ABHD17A: variants seen among roughly 807,000 people sequenced by gnomAD.
ABHD17A encodes the protein alpha/beta hydrolase domain-containing protein 17A.
ABHD17A carries 10 observed loss-of-function variants against 26.8 expected under a neutral mutation model. The observed-to-expected ratio is 0.37, with a 90% CI of 0.23 to 0.63. The LOEUF is 0.63. Among genes scored for constraint, ABHD17A ranks in the 30% least tolerant of loss-of-function variants. ABHD17A has a pLI of 0.61. For missense variants in ABHD17A, 292 were observed against 457.3 expected (o/e 0.64, Z 3.30); for synonymous variants, 167 against 210.9 (o/e 0.79, Z 1.80).
In ABHD17A at chr19:1,880,080, T is replaced by C; in HGVS notation, c.368A>G (p.Asp123Gly). ...TVLFSHGNAV[D>G]LGQMSSFYIG... is the part of the protein sequence containing the mutation. ...GTAGAAGCTGCTCATCTGGCCCAGG[T>C]CCACGGCATTGCCGTGCGAGAAGAG... is the stretch of plus-strand genomic sequence containing the variant. The change falls in exon 3 of 5, where the codon GAC becomes GGC. Residue 123 changes from aspartate (D) to glycine (G), a missense_variant. Asp to Gly is a moderately conservative substitution (Grantham distance 94). Around this residue, in one of 4 missense-constraint regions of ABHD17A, gnomAD observed 171 missense variants for 216.1 expected, o/e 0.79. Coordinates refer to ENST00000292577, the MANE Select transcript of ABHD17A (RefSeq NM_001130111.2). The surrounding 1 kb of genome is among the most constrained non-coding windows in gnomAD (Gnocchi z 4.1). The C allele has an allele frequency of 1.2e-6, 2 of 1,613,148 alleles. No individual in the cohort carries two copies. Among genetic ancestry groups the C allele is most frequent in the Non-Finnish European group, 8.5e-7 (1 of 1,179,968 alleles).
In ABHD17A at chr19:1,881,569, C is replaced by A; in HGVS notation, c.-3G>T. 6.3e-7 allele frequency: 1 copy of A among 1,585,328 alleles called. No homozygotes were observed. On this transcript the variant is annotated 5_prime_UTR_variant, in exon 2 of 5. Transcript: ENST00000292577. ...TCACTCAGCGACAGCCCATTCATGG[C>A]GGGCGCCGCCCAGGCCGGGCCTCCA...
Position 1,881,520 on chromosome 19 carries a change from GGGCAGCAGAAGA to G in ABHD17A, c.35_46del (p.Leu12_Cys15del), listed in dbSNP as rs2012532739. 6.2e-7 allele frequency: 1 copy of G among 1,604,056 alleles called. No homozygotes were observed. The highest frequency in any genetic ancestry group is 8.5e-7 in the Non-Finnish European group (1 of 1,178,812). On this transcript the variant is annotated inframe_deletion, in exon 2 of 5. Transcript: ENST00000292577. The stretch of plus-strand genomic sequence containing the variant: ...GGCAGCGATGCGGCCGGGGCAGGGC[GGGCAGCAGAAGA>G]GGCAGCAGAGCTCACTCAGCGACAG...
Position 1,881,516 on chromosome 19 carries a change from G to A in ABHD17A, c.51C>T (p.Pro17=). The A allele has an allele frequency of 2.5e-6, 4 of 1,604,290 alleles. No individual in the cohort carries two copies. The highest frequency in any genetic ancestry group is 3.4e-6 in the Non-Finnish European group (4 of 1,178,842). ...SELCCLFCCP[P]CPGRIAAKLA... ...GCTTGGCAGCGATGCGGCCGGGGCA[G>A]GGCGGGCAGCAGAAGAGGCAGCAGA... The change falls in exon 2 of 5, where the codon CCC becomes CCT. Residue 17 remains proline (P), a synonymous_variant. Transcript: ENST00000292577.
chr19:1,877,328 G>T lies in ABHD17A; in HGVS notation c.805C>A (p.Arg269Ser). The T allele has an allele frequency of 6.5e-7, 1 of 1,532,272 alleles. No individual in the cohort carries two copies. Among genetic ancestry groups the T allele is most frequent in the South Asian group, 1.2e-5 (1 of 83,984 alleles). 94.9% of individuals were successfully genotyped at this position (1,532,272 alleles called of 1,614,324 possible). ...DFSHGLALYE[R>S]CPKAVEPLWV... is the part of the protein sequence containing the mutation. ...AGCGGCTCCACCGCCTTGGGGCAGC[G>T]CTCGTAGAGCGCCAGCCCGTGCGAG... The change falls in exon 5 of 5, where the codon CGC (arginine) becomes AGC (serine). Residue 269 changes from arginine to serine, a missense_variant. Arg to Ser is a moderately radical substitution (Grantham distance 110, BLOSUM62 -1). Coordinates refer to ENST00000292577, the MANE Select transcript of ABHD17A (RefSeq NM_001130111.2).
chr19:1,879,965 G>A lies in ABHD17A; in HGVS notation c.483C>T (p.Asn161=). 1.2e-6 allele frequency: 2 copies of A among 1,613,070 alleles called. No individual in the cohort carries two copies. The highest frequency in any genetic ancestry group is 1.7e-5 in the Admixed American group (1 of 60,018). ...AGGCGGCGTCGATGTCGGCATAGAG[G>A]TTCCTCTCGGAAGGCCTGCCCGAGC... ...GASSGRPSER[N]LYADIDAAWQ... Residue 161 remains asparagine, a synonymous_variant, in exon 3 of 5, where the codon AAC becomes AAT. Transcript: ENST00000292577. This position sits in a 1 kb window ranked among gnomAD's most constrained non-coding sequence, Gnocchi z 7.6.
Position 1,881,352 on chromosome 19 carries a change from T to C in ABHD17A, c.215A>G (p.Glu72Gly). The C allele has an allele frequency of 1.9e-6, 3 of 1,609,482 alleles. No homozygotes were observed. In the Admixed American group the frequency reaches 5.0e-5, roughly 27 times the overall value. ...APGRWKLHLT[E>G]RADFQYSQRE... The stretch of plus-strand genomic sequence containing the variant: ...CTGGCTGTACTGGAAGTCGGCACGC[T>C]CCGTCAGGTGCAGCTTCCAGCGCCC... The change falls in exon 2 of 5, where the codon GAG (glutamate) becomes GGG (glycine). Residue 72 changes from glutamate to glycine, a missense_variant. This residue lies in a region of ABHD17A where 171 missense variants were observed against 216.1 expected (regional missense o/e 0.79). Transcript: ENST00000292577.
At position 1,880,094 on chromosome 19, in the gene ABHD17A, G is replaced by A. The variant is rs373030033; in HGVS notation, c.354C>T (p.His118=). ...TCTGGCCCAGGTCCACGGCATTGCC[G>A]TGCGAGAAGAGGACCGTGTACCTGG... ...PGARYTVLFS[H]GNAVDLGQMS... is the part of the protein sequence containing the mutation. The change falls in exon 3 of 5, where the codon CAC becomes CAT. Residue 118 remains histidine, a synonymous_variant. Transcript: ENST00000292577. This position sits in a 1 kb window ranked among gnomAD's most constrained non-coding sequence, Gnocchi z 4.1. 58 of 1,613,026 alleles carry A rather than the reference G, an allele frequency of 3.6e-5. No individual in the cohort carries two copies. The highest frequency in any genetic ancestry group is 1.7e-4 in the African/African-American group (13 of 74,944).
rs558258734 is a variant in ABHD17A at position 1,881,282 on chromosome 19, G to A, written c.285C>T (p.Arg95=). Residue 95 remains arginine (R), a synonymous_variant, in exon 2 of 5, where the codon CGC becomes CGT. Transcript: ENST00000292577. The part of the protein sequence containing the change: ...TIEVFPTKSA[R]GNRVSCMYVR... ...CATACATGCAGGAGACGCGGTTGCC[G>A]CGGGCGCTCTTGGTGGGGAAGACCT... 8.6e-5 allele frequency: 138 copies of A among 1,611,120 alleles called. No individual in the cohort carries two copies. The South Asian group carries it at 1.2e-3, about 14-fold the overall frequency.
At position 1,880,542 on chromosome 19, in the gene ABHD17A, T is replaced by C. The variant is rs919084446; in HGVS notation, c.333-427A>G. Reference sequence around the variant, plus strand: ...GCGCACAGGCCCACCTTTCAGGACCTTCCCAGGGGAGCCCATGCTGCTGCT... The same window carrying C: ...GCGCACAGGCCCACCTTTCAGGACCCTCCCAGGGGAGCCCATGCTGCTGCT... On this transcript the variant is annotated intron_variant, in intron 2 of 4. Transcript: ENST00000292577. This position sits in a 1 kb window ranked among gnomAD's most constrained non-coding sequence, Gnocchi z 4.1. Among the ~76,000 whole-genome samples, 17 of 152,190 alleles carry C rather than the reference T, an allele frequency of 1.1e-4. No homozygotes were observed. The highest frequency in any genetic ancestry group is 2.5e-4 in the Non-Finnish European group (17 of 68,010).
Position 1,880,042 on chromosome 19 carries a change from A to G in ABHD17A, c.406T>C (p.Ser136Pro), listed in dbSNP as rs763351670. ...GAGAAGATGTTGCAGTGGAGGCGGG[A>G]GCCCAGGCCAATGTAGAAGCTGCTC... is the stretch of plus-strand genomic sequence containing the variant. Reference protein sequence around the residue: ...QMSSFYIGLGSRLHCNIFSYD... With the variant: ...QMSSFYIGLGPRLHCNIFSYD... Residue 136 changes from serine to proline, a missense_variant, in exon 3 of 5, where the codon TCC (serine) becomes CCC (proline). Around this residue, in one of 4 missense-constraint regions of ABHD17A, gnomAD observed 171 missense variants for 216.1 expected, o/e 0.79. Transcript: ENST00000292577. The surrounding 1 kb of genome is among the most constrained non-coding windows in gnomAD (Gnocchi z 4.1). 1.4e-5 allele frequency: 22 copies of G among 1,612,400 alleles called. No homozygotes were observed. The highest frequency in any genetic ancestry group is 1.2e-4 in the South Asian group (11 of 91,060).
intron 1 of ABHD17A, 124 bp from the exon 2 acceptor site, chr19:1,881,928 T>A (rs1189761781): frequency 3.0e-5 from 7 of 232,442 alleles, no homozygotes; most frequent in Non-Finnish European, 2.5e-5. Context: ...TCAGTCCCCA[T>A]CCCCTCGGCC....
chr19:1,880,161 C>T lies in ABHD17A; in HGVS notation c.333-46G>A. On this transcript the variant is annotated intron_variant, in intron 2 of 4. Transcript: ENST00000292577. This position sits in a 1 kb window ranked among gnomAD's most constrained non-coding sequence, Gnocchi z 4.1. ...CCGTTCACATCCTCGCTCCCAGCGC[C>T]CAGCTGCAGGGCAGGAGGATGCGTA... The T allele has an allele frequency of 6.2e-7, 1 of 1,603,400 alleles. No homozygotes were observed. Among genetic ancestry groups the T allele is most frequent in the East Asian group, 2.2e-5 (1 of 44,702 alleles).
chr19:1,879,557 T>G lies in ABHD17A; in HGVS notation c.527+364A>C, dbSNP rs1445612983. 6.1e-6 allele frequency: 2 copies of G among 327,544 alleles called. No homozygotes were observed. Among genetic ancestry groups the G allele is most frequent in the Admixed American group, 4.6e-5 (1 of 21,602 alleles). The allele number at this position is 327,544 out of a possible 1,614,324, so 20.3% of individuals were successfully genotyped here. A position where few individuals can be genotyped will look rare whatever the true frequency, so the allele number is the denominator to read the frequency against. Reference sequence around the variant, plus strand: ...GCCTCACTTGGCCCCAAGTGCTGCCTCGGCCGATGGGCTCCCAGCCACACG... The same window carrying G: ...GCCTCACTTGGCCCCAAGTGCTGCCGCGGCCGATGGGCTCCCAGCCACACG... On this transcript the variant is annotated intron_variant, in intron 3 of 4. Coordinates refer to ENST00000292577, the MANE Select transcript of ABHD17A (RefSeq NM_001130111.2). The surrounding 1 kb of genome is among the most constrained non-coding windows in gnomAD (Gnocchi z 7.6).
intron 1 of ABHD17A, among the ~76,000 whole-genome samples, chr19:1,884,565 T>C (rs1451709455): frequency 6.6e-6 from 1 of 152,078 alleles, no homozygotes; most frequent in East Asian, 1.9e-4. Flanking sequence ...AGACGGTGAC[T>C]GCACCTCACT....
In ABHD17A at chr19:1,880,179, G is replaced by A. The variant is rs1219202539; in HGVS notation, c.333-64C>T. The A allele has an allele frequency of 1.3e-6, 2 of 1,568,622 alleles. No individual in the cohort carries two copies. The highest frequency in any genetic ancestry group is 1.7e-6 in the Non-Finnish European group (2 of 1,150,400). On this transcript the variant is annotated intron_variant, in intron 2 of 4. Transcript: ENST00000292577. This position sits in a 1 kb window ranked among gnomAD's most constrained non-coding sequence, Gnocchi z 4.1. The stretch of plus-strand genomic sequence containing the variant: ...CCAGCGCCCAGCTGCAGGGCAGGAG[G>A]ATGCGTAGTGACAGCCCACCCCGGT...
In ABHD17A at chr19:1,881,135, G is replaced by A. The variant is rs367592899; in HGVS notation, c.332+100C>T. 9.1e-5 allele frequency: 141 copies of A among 1,557,114 alleles called. No homozygotes were observed. In the African/African-American group the frequency reaches 1.2e-3, roughly 13 times the overall value. ...CTGGATGGCCCTTCACGGCAGGCTC[G>A]GGCCCTCGGGGGCACCACCAACCAC... On this transcript the variant is annotated intron_variant, in intron 2 of 4. Transcript: ENST00000292577.
intron 1 of ABHD17A, 104 bp downstream of exon 1, chr19:1,885,248 G>A (rs2012647824): frequency 1.3e-5 from 2 of 152,078 alleles, no homozygotes; most frequent in Admixed American, 6.5e-5. Context: ...GAAGCCCTGG[G>A]ACTGCAGGGG....
chr19:1,876,972 G>A lies in ABHD17A; in HGVS notation c.*228C>T. The A allele has an allele frequency of 1.8e-6, 1 of 565,550 alleles. No homozygotes were observed. The highest frequency in any genetic ancestry group is 3.2e-6 in the Non-Finnish European group (1 of 316,766). The allele number at this position is 565,550 out of a possible 1,614,324, so 35.0% of individuals were successfully genotyped here. On this transcript the variant is annotated 3_prime_UTR_variant, in exon 5 of 5. Transcript: ENST00000292577. The stretch of plus-strand genomic sequence containing the variant: ...CAGAGCCATGAAAGGAAGGAGAGCA[G>A]CCCTAAAATTTTAAATCTTTAATTT...
intron 1 of ABHD17A, among the ~76,000 whole-genome samples, chr19:1,883,995 T>C (rs1304265351): frequency 2.6e-5 from 4 of 152,162 alleles, no homozygotes; most frequent in Admixed American, 6.5e-5. Context: ...TTCCTGCCTC[T>C]GCTCCTCTGC....
Sources: gnomAD v4.1 joint callset for allele counts (sites outside exome capture counted in the v4.1 genomes callset) on GRCh38, gnomAD v4.1.1 for gene constraint, gnomAD v4.1.1 regional missense constraint, Gnocchi (gnomAD v3.1) non-coding constraint, MANE v1.5 for transcripts, NCBI Gene and HGNC (gene_info 2026-07-23, HGNC 2026-07-21) for gene names.